Variants in CHRM3 observed in about 807,000 individuals in gnomAD.
CHRM3 encodes cholinergic receptor muscarinic 3.
In CHRM3, 11 loss-of-function variants were observed where a neutral mutation model predicts 41.8. The ratio of observed to expected loss-of-function variants is 0.26; its 90% CI spans 0.17 to 0.44. The LOEUF (loss-of-function observed/expected upper bound fraction) is 0.44, where lower values mean the gene tolerates loss of function less well. Ranked by LOEUF, CHRM3 falls within the 20% of genes least tolerant of loss-of-function variation. The pLI, the probability that CHRM3 is intolerant of heterozygous loss-of-function variation, is 1.00. For synonymous variants in CHRM3, 297 were observed against 301.4 expected, an observed-to-expected ratio of 0.99 and a Z score of 0.15; for missense variants, 571 against 745.4, an observed-to-expected ratio of 0.77 and a Z score of 2.72.
intron 5 of CHRM3, among the ~76,000 whole-genome samples, chr1:239,739,666 A>G (rs1289603585): frequency 6.6e-6 from 1 of 152,048 alleles, no homozygotes; most frequent in Non-Finnish European, 1.5e-5. Context: ...CACATGCTGG[A>G]GGATTTTTTT....
chr1:239,640,803 G>C (rs12039699), intron 4 of CHRM3, among the ~76,000 whole-genome samples: 37,477 of 147,266 alleles, frequency 0.25, 5,355 homozygotes, highest in East Asian at 0.64. Context: ...CTTGCCTTCT[G>C]CTAGCTTTTG....
intron 1 of CHRM3, among the ~76,000 whole-genome samples, chr1:239,393,053 G>C (rs73114747): frequency 3.3e-5 from 5 of 152,032 alleles, no homozygotes; most frequent in Non-Finnish European, 7.4e-5. Context: ...CCAGGTACTC[G>C]GGAGGCTAAG....
At chr1:239,793,323 C>T (rs187557038) in intron 5 of CHRM3, among the ~76,000 whole-genome samples, 1 of 152,192 alleles carries the variant, frequency 6.6e-6, no homozygotes, top group Admixed American at 6.5e-5. Context: ...TCACAATAAC[C>T]ATGTTGTCAT....
intron 5 of CHRM3, among the ~76,000 whole-genome samples, chr1:239,734,407 TTAAG>T (rs1289170560): frequency 7.2e-5 from 11 of 152,034 alleles, no homozygotes; most frequent in Admixed American, 3.9e-4. Context: ...TTGAAACATA[TTAAG>T]TGTGTTAAAA....
chr1:239,746,234 G>A (rs1484682767), intron 5 of CHRM3, among the ~76,000 whole-genome samples: 2 of 152,154 alleles, frequency 1.3e-5, no homozygotes, highest in East Asian at 1.9e-4. Context: ...GTAACTCTTC[G>A]TAATTAAAAC....
At chr1:239,459,565 A>C (rs1004222176) in intron 1 of CHRM3, among the ~76,000 whole-genome samples, 1 of 152,220 alleles carries the variant, frequency 6.6e-6, no homozygotes, top group African/African-American at 2.4e-5. Flanking sequence ...TGAATGCTAT[A>C]CATCTTCAAT....
intron 5 of CHRM3, among the ~76,000 whole-genome samples, chr1:239,819,076 A>G (rs1072320): frequency 0.28 from 43,350 of 152,114 alleles, 6,495 homozygotes; most frequent in East Asian, 0.45. Context: ...TTTGTTTAAC[A>G]TGAGCCAGTT....
rs746991696 is a variant in CHRM3 at position 239,909,263 on chromosome 1, T to A, written c.*39T>A. ...CAATAGCAGTGACAAAACGCACACA[T>A]CAACCCACAGACCTTAGGAGGAGGA... is the stretch of plus-strand genomic sequence containing the variant. On this transcript the variant is annotated 3_prime_UTR_variant, in exon 7 of 7. Transcript: ENST00000676153. 3 of 1,556,876 alleles carry A rather than the reference T, an allele frequency of 1.9e-6. No homozygotes were observed. The highest frequency in any genetic ancestry group is 2.5e-5 in the South Asian group (2 of 80,862).
chr1:239,866,006 G>A (rs561321919), intron 6 of CHRM3, among the ~76,000 whole-genome samples: 1 of 152,174 alleles, frequency 6.6e-6, no homozygotes, highest in African/African-American at 2.4e-5. Context: ...ATTTAATCCT[G>A]GCAACAGCTG....
chr1:239,632,438 G>A (rs1346012988), intron 4 of CHRM3, among the ~76,000 whole-genome samples, 152 bp downstream of exon 4: 3 of 152,134 alleles, frequency 2.0e-5, no homozygotes, highest in Non-Finnish European at 2.9e-5. Flanking sequence ...AATTTTTTGT[G>A]TCTTAATAAA....
intron 5 of CHRM3, among the ~76,000 whole-genome samples, chr1:239,800,632 G>T (rs773884618): frequency 6.6e-6 from 1 of 152,188 alleles, no homozygotes; most frequent in East Asian, 1.9e-4. Flanking sequence ...GGAGATGCCA[G>T]CATGCTGGCC....
intron 5 of CHRM3, chr1:239,705,409 A>G (rs556013326): frequency 6.6e-6 from 1 of 152,306 alleles, no homozygotes; most frequent in East Asian, 1.9e-4. Flanking sequence ...TGGAAGGCCT[A>G]AACAACAGAA....
At chr1:239,545,481 G>A (rs1659202244) in intron 2 of CHRM3, among the ~76,000 whole-genome samples, 160 bp from the exon 3 acceptor site, 1 of 152,160 alleles carries the variant, frequency 6.6e-6, no homozygotes. Context: ...AATAAAAACA[G>A]CAACAATAGA....
chr1:239,393,602 C>T (rs547907743), intron 1 of CHRM3, among the ~76,000 whole-genome samples: 2 of 152,300 alleles, frequency 1.3e-5, no homozygotes, highest in South Asian at 4.1e-4. Flanking sequence ...ATGCAAGGAC[C>T]AGCCAAACTC....
intron 5 of CHRM3, among the ~76,000 whole-genome samples, chr1:239,713,810 A>G (rs1264847155): frequency 9.9e-5 from 15 of 152,196 alleles, no homozygotes; most frequent in Admixed American, 9.8e-4. Context: ...CTTAGTCTGG[A>G]TGATAAATTG....
chr1:239,894,686 A>G (rs1234796580), intron 6 of CHRM3, among the ~76,000 whole-genome samples: 2 of 151,700 alleles, frequency 1.3e-5, no homozygotes, highest in African/African-American at 4.8e-5. Context: ...GCCCACCCTG[A>G]CCTCCCAAAG....
At chr1:239,648,315 C>A (rs1461464412) in intron 4 of CHRM3, among the ~76,000 whole-genome samples, 1 of 152,236 alleles carries the variant, frequency 6.6e-6, no homozygotes, top group East Asian at 1.9e-4. Context: ...TCTCTCTGTG[C>A]TCCTGGAGAG....
intron 2 of CHRM3, among the ~76,000 whole-genome samples, chr1:239,533,749 AAC>A (rs535094575): frequency 0.19 from 21,292 of 110,132 alleles, 2,742 homozygotes; most frequent in Middle Eastern, 0.26. Context: ...AAAAAAAAAA[AAC>A]AAAAAAACCC....
At chr1:239,792,935 ATC>A (rs146077446) in intron 5 of CHRM3, among the ~76,000 whole-genome samples, 1,838 of 152,318 alleles carry the variant, frequency 0.012, 44 homozygotes, top group African/African-American at 0.043. Context: ...GAAAATGATC[ATC>A]TTTTATAACA....
Sources: gnomAD v4.1 joint callset for allele counts (sites outside exome capture counted in the v4.1 genomes callset) on GRCh38, gnomAD v4.1.1 for gene constraint, MANE v1.5 for transcripts, NCBI Gene and HGNC (gene_info 2026-07-23, HGNC 2026-07-21) for gene names.